Variants in PSMG2 observed in about 807,000 individuals in gnomAD.
PSMG2 encodes proteasome assembly chaperone 2, also known as CD40 ligand-activated specific transcript 3.
Under a neutral mutation model 31.5 loss-of-function variants are expected in PSMG2, and 21 were observed. The ratio of observed to expected loss-of-function variants is 0.67; its 90% CI spans 0.47 to 0.96. The LOEUF (loss-of-function observed/expected upper bound fraction) is 0.96. PSMG2 is among the 40% of genes least tolerant of loss of function. The probability of loss-of-function intolerance (pLI) is 0.00; values close to 1 mark genes in which losing one functional copy is unlikely to be tolerated. For synonymous variants in PSMG2, 120 were observed against 110.4 expected, an observed-to-expected ratio of 1.09 and a Z score of -0.54; for missense variants, 318 against 321.2, an observed-to-expected ratio of 0.99 and a Z score of 0.08.
intron 1 of PSMG2, 135 bp downstream of exon 1, chr18:12,703,299 A>G: frequency 9.2e-7 from 1 of 1,089,514 alleles, no homozygotes; most frequent in African/African-American, 1.6e-5. Flanking sequence ...GCCGGAAAAA[A>G]CAGGGAGGTT....
At chr18:12,678,729 G>C (rs535173895) in intron 1 of PSMG2, among the ~76,000 whole-genome samples, 40 of 152,210 alleles carry the variant, frequency 2.6e-4, no homozygotes, top group Admixed American at 9.2e-4. Context: ...GCCGAGGCAG[G>C]GGGATCACCT....
intron 2 of PSMG2, among the ~76,000 whole-genome samples, chr18:12,709,887 C>G (rs1379342333): frequency 1.3e-5 from 2 of 151,800 alleles, no homozygotes; most frequent in Admixed American, 6.6e-5. Context: ...TCACCCGCCT[C>G]AGCCTCCCAA....
chr18:12,703,156 C>T lies in PSMG2; in HGVS notation c.49C>T (p.Leu17Phe), dbSNP rs1252023866. 2 of 1,610,528 alleles carry T rather than the reference C, an allele frequency of 1.2e-6. No individual in the cohort carries two copies. The highest frequency in any genetic ancestry group is 1.7e-6 in the Non-Finnish European group (2 of 1,178,830). ...GGCCCCCGACCTTGCCGGCTTCACC[C>T]TCCTAATGGTGAGTCTCCATTTGCG... The part of the protein sequence containing the change: ...ESAPDLAGFT[L>F]LMPAVSVGNV... Residue 17 changes from leucine (L) to phenylalanine (F), a missense_variant, in exon 1 of 7, where the codon CTC (leucine) becomes TTC (phenylalanine). Leu to Phe is a conservative substitution (Grantham distance 22, BLOSUM62 0). Coordinates refer to ENST00000317615, the MANE Select transcript of PSMG2 (RefSeq NM_020232.5).
Position 12,672,118 on chromosome 18 carries a change from C to CTT in PSMG2, c.-37+13356_-37+13357dup, listed in dbSNP as rs371021479. Among the ~76,000 whole-genome samples, 95 of 141,152 alleles carry CTT rather than the reference C, an allele frequency of 6.7e-4. 1 individual carries two copies. The highest frequency in any genetic ancestry group is 2.0e-3 in the African/African-American group (78 of 38,472). The allele number at this position is 141,152 out of a possible 152,430, so 92.6% of individuals were successfully genotyped here. A position where few individuals can be genotyped will look rare whatever the true frequency, so the allele number is the denominator to read the frequency against. On this transcript the variant is annotated intron_variant, in intron 1 of 6. Coordinates refer to the PSMG2 transcript ENST00000585331. ...CAGGTGTGAGCCACCATGCCTGGCC[C>CTT]TTTTTTTTTTTTCTGAGATGCAGTC...
intron 1 of PSMG2, chr18:12,686,666 G>A (rs1266754959): frequency 2.8e-5 from 11 of 398,170 alleles, no homozygotes; most frequent in Non-Finnish European, 4.6e-5. Flanking sequence ...AGGAGCTACA[G>A]CTATTATGCA....
chr18:12,683,496 A>T (rs1240597962), intron 1 of PSMG2, among the ~76,000 whole-genome samples: 3 of 152,110 alleles, frequency 2.0e-5, no homozygotes, highest in African/African-American at 4.8e-5. Flanking sequence ...TAAAAAACGG[A>T]AATCAGCACT....
chr18:12,687,412 G>T (rs1417437220), intron 1 of PSMG2, among the ~76,000 whole-genome samples: 1 of 150,566 alleles, frequency 6.6e-6, no homozygotes, highest in Non-Finnish European at 1.5e-5. Context: ...CTTGGCTATA[G>T]ATTCCACTCA....
intron 1 of PSMG2, among the ~76,000 whole-genome samples, chr18:12,696,334 C>T (rs1008105769): frequency 6.6e-6 from 1 of 152,056 alleles, no homozygotes; most frequent in African/African-American, 2.4e-5. Flanking sequence ...GAAACCCCAT[C>T]TCTACTAAAA....
chr18:12,692,798 CTATTTAGGATCCA>C (rs1042191654), intron 1 of PSMG2, among the ~76,000 whole-genome samples: 1 of 152,126 alleles, frequency 6.6e-6, no homozygotes, highest in African/African-American at 2.4e-5. Flanking sequence ...ATTTTGACAT[CTATTTAGGATCCA>C]TACATATTTC....
At chr18:12,704,322 A>G (rs764515266) in intron 1 of PSMG2, among the ~76,000 whole-genome samples, 6 of 152,202 alleles carry the variant, frequency 3.9e-5, no homozygotes, top group Non-Finnish European at 8.8e-5. Flanking sequence ...ATGATGGCTC[A>G]TGCCTGTAAT....
intron 5 of PSMG2, 132 bp downstream of exon 5, chr18:12,720,815 AC>A (rs2040423835): frequency 1.1e-6 from 1 of 882,274 alleles, no homozygotes. Flanking sequence ...AAAAACAACA[AC>A]AAAAAAAACA....
intron 4 of PSMG2, among the ~76,000 whole-genome samples, chr18:12,720,277 G>A (rs2040418325): frequency 6.6e-6 from 1 of 152,220 alleles, no homozygotes; most frequent in African/African-American, 2.4e-5. Flanking sequence ...TGGCAGAAGG[G>A]AGGAAAGCTG....
At chr18:12,685,291 C>G (rs550598912) in intron 1 of PSMG2, 1 of 152,128 alleles carries the variant, frequency 6.6e-6, no homozygotes, top group Non-Finnish European at 1.5e-5. Flanking sequence ...TGAGCCACCA[C>G]GCCCAGCCTT....
intron 2 of PSMG2, among the ~76,000 whole-genome samples, chr18:12,712,428 T>A (rs2040340412): frequency 6.6e-6 from 1 of 152,178 alleles, no homozygotes; most frequent in Admixed American, 6.5e-5. Context: ...CTTCTCTGGT[T>A]TTGCAGTTAA....
chr18:12,725,079 T>G (rs938679820), intron 6 of PSMG2, among the ~76,000 whole-genome samples: 16 of 152,232 alleles, frequency 1.1e-4, no homozygotes, highest in Admixed American at 1.0e-3. Context: ...AACAGAACAC[T>G]GAGCATAAGG....
At chr18:12,703,347 G>C (rs1158723249) in intron 1 of PSMG2, among the ~76,000 whole-genome samples, 183 bp downstream of exon 1, 5 of 152,242 alleles carry the variant, frequency 3.3e-5, no homozygotes, top group African/African-American at 7.2e-5. Flanking sequence ...ACCTTTGTCG[G>C]CTGTAAAACC....
chr18:12,666,780 C>T (rs2038813814), intron 1 of PSMG2, among the ~76,000 whole-genome samples: 1 of 151,838 alleles, frequency 6.6e-6, no homozygotes, highest in Non-Finnish European at 1.5e-5. Context: ...TTGATTTATT[C>T]TACCACATTT....
intron 1 of PSMG2, chr18:12,684,611 G>A (rs2039473564): frequency 6.6e-6 from 1 of 151,894 alleles, no homozygotes; most frequent in Non-Finnish European, 1.5e-5. Context: ...CTCCCAAGTA[G>A]CTGGGATTAC....
At chr18:12,715,073 A>G (rs988937387) in intron 3 of PSMG2, among the ~76,000 whole-genome samples, 2 of 151,528 alleles carry the variant, frequency 1.3e-5, no homozygotes, top group Non-Finnish European at 2.9e-5. Context: ...CAGTGGTGCA[A>G]TCTCAGCTCA....
Sources: allele counts gnomAD v4.1 joint callset (sites outside exome capture counted in the v4.1 genomes callset), GRCh38; gene constraint gnomAD v4.1.1; transcripts MANE v1.5; gene names NCBI Gene and HGNC (gene_info 2026-07-23, HGNC 2026-07-21).